The following POLM variants were observed in gnomAD, a reference collection of about 807,000 sequenced individuals.
POLM encodes the protein DNA-directed DNA/RNA polymerase mu.
A neutral mutation model predicts 56.7 loss-of-function variants in POLM; 52 were observed. That is an observed-to-expected ratio of 0.92 (90% CI 0.73 to 1.15). The LOEUF is 1.15. Ranked by LOEUF, POLM falls within the 50% of genes most tolerant of loss-of-function variation. The probability of loss-of-function intolerance (pLI) is 0.00; values close to 1 mark genes in which losing one functional copy is unlikely to be tolerated. For missense variants in POLM, 660 were observed against 663.6 expected, an observed-to-expected ratio of 0.99 and a Z score of 0.06; for synonymous variants, 273 against 274.3, an observed-to-expected ratio of 1.00 and a Z score of 0.05.
At position 44,080,815 on chromosome 7, in the gene POLM, G is replaced by A; in HGVS notation, c.290C>T (p.Pro97Leu). The A allele has an allele frequency of 1.2e-6, 2 of 1,612,090 alleles. No homozygotes were observed. The highest frequency in any genetic ancestry group is 1.7e-6 in the Non-Finnish European group (2 of 1,178,918). ...MAAAPPGCTP[P>L]ALLDISWLTE... ...TAACCAGCTTATGTCCAGCAGAGCT[G>A]GGGGGGTGCAACCCGGGGGAGCAGC... The change falls in exon 2 of 11, where the codon CCA (proline) becomes CTA (leucine). Residue 97 changes from proline to leucine, a missense_variant. Physicochemically the swap from Pro to Leu is moderately conservative, Grantham distance 98 (BLOSUM62 -3). Transcript: ENST00000242248.
chr7:44,076,399 C>A, intron 6 of POLM, 110 bp downstream of exon 6: 1 of 1,413,796 alleles, frequency 7.1e-7, no homozygotes. Flanking sequence ...CACAAAGCTG[C>A]CACCAAACCC....
chr7:44,080,947 G>A, intron 1 of POLM, 31 bp from the exon 2 acceptor site: 2 of 1,533,122 alleles, frequency 1.3e-6, no homozygotes, highest in Non-Finnish European at 1.8e-6. Flanking sequence ...AGAAGGAGGA[G>A]GGTGAGGCCC....
In POLM at chr7:44,080,745, C is replaced by T. The variant is rs776444475; in HGVS notation, c.360G>A (p.Arg120=). The change falls in exon 2 of 11, where the codon CGG becomes CGA. Residue 120 remains arginine, a synonymous_variant. Transcript: ENST00000242248. ...GAGQPVPVEC[R]HRLEVAGPRK... is the part of the protein sequence containing the mutation. Reference sequence around the variant, plus strand: ...CCACCCAGCTCACCTCCAGGCGGTGCCGGCACTCCACAGGTACAGGCTGCC... The same window carrying T: ...CCACCCAGCTCACCTCCAGGCGGTGTCGGCACTCCACAGGTACAGGCTGCC... 8 of 1,614,076 alleles carry T rather than the reference C, an allele frequency of 5.0e-6. No individual in the cohort carries two copies. In the South Asian group the frequency reaches 8.8e-5, roughly 18 times the overall value.
chr7:44,078,712 G>A (rs1393196289), intron 5 of POLM, 28 bp downstream of exon 5: 8 of 1,598,298 alleles, frequency 5.0e-6, no homozygotes, highest in Non-Finnish European at 6.9e-6. Flanking sequence ...GACATTCCTG[G>A]GGTAGGTCCG....
intron 2 of POLM, 35 bp from the exon 3 acceptor site, chr7:44,079,994 T>C: frequency 1.3e-6 from 2 of 1,485,222 alleles, no homozygotes; most frequent in Non-Finnish European, 1.9e-6. Context: ...ACTGTGAGGC[T>C]GCAGGGCTGG....
intron 4 of POLM, among the ~76,000 whole-genome samples, chr7:44,079,244 G>A (rs1043398415): frequency 2.6e-5 from 4 of 152,206 alleles, no homozygotes; most frequent in African/African-American, 4.8e-5. Flanking sequence ...CTGGGGCACT[G>A]AAAAGAGATG....
rs760477286 is a variant in POLM, at chr7:44,079,892, G to T, written c.440C>A (p.Thr147Lys). The change falls in exon 3 of 11, where the codon ACG becomes AAG. Residue 147 changes from threonine (T) to lysine (K), a missense_variant. Transcript: ENST00000242248. ...WMPAYACQRP[T>K]PLTHHNTGLS... is the part of the protein sequence containing the mutation. ...GCCAGTGTTGTGGTGTGTGAGGGGC[G>T]TAGGGCGCTGGCAGGCATAGGCAGG... The T allele has an allele frequency of 6.2e-7, 1 of 1,614,116 alleles. No individual in the cohort carries two copies. Among genetic ancestry groups the T allele is most frequent in the Non-Finnish European group, 8.5e-7 (1 of 1,179,978 alleles).
At position 44,080,817 on chromosome 7, in the gene POLM, G is replaced by C. The variant is rs1332890832; in HGVS notation, c.288C>G (p.Pro96=). The C allele has an allele frequency of 1.2e-6, 2 of 1,613,704 alleles. No individual in the cohort carries two copies. The highest frequency in any genetic ancestry group is 1.3e-5 in the African/African-American group (1 of 74,940). ...RMAAAPPGCT[P]PALLDISWLT... is the part of the protein sequence containing the mutation. ...ACCAGCTTATGTCCAGCAGAGCTGG[G>C]GGGGTGCAACCCGGGGGAGCAGCTG... The change falls in exon 2 of 11, where the codon CCC becomes CCG. Residue 96 remains proline, a synonymous_variant. Coordinates refer to ENST00000242248, the MANE Select transcript of POLM (RefSeq NM_013284.4).
rs770543171 is a variant in POLM, at chr7:44,074,491, C to T, written c.875G>A (p.Arg292Gln). The T allele has an allele frequency of 2.5e-5, 40 of 1,598,098 alleles. No homozygotes were observed. The highest frequency in any genetic ancestry group is 4.5e-5 in the East Asian group (2 of 44,256). The change falls in exon 7 of 11, where the codon CGG (arginine) becomes CAG (glutamine). Residue 292 changes from arginine (R) to glutamine (Q), a missense_variant. Transcript: ENST00000242248. Reference protein sequence around the residue: ...HHQDLSTPVLRSDVDALQQVV... With the variant: ...HHQDLSTPVLQSDVDALQQVV... Reference sequence around the variant, plus strand: ...CTGCTGCAGGGCATCTACATCGGACCGCAGGACTGGGGTGCTCAGGTCCTG... The same window carrying T: ...CTGCTGCAGGGCATCTACATCGGACTGCAGGACTGGGGTGCTCAGGTCCTG...
rs535433347 is a variant in POLM, at chr7:44,073,263, T to C, written c.*28A>G. ...CCAGGTTGGGGGCAGCCCAATTTCCTGAGTGGAAGTGGGGGACACAGGCAG... is the reference window on the plus strand; with the variant it reads ...CCAGGTTGGGGGCAGCCCAATTTCCCGAGTGGAAGTGGGGGACACAGGCAG... On this transcript the variant is annotated 3_prime_UTR_variant, in exon 11 of 11. Transcript: ENST00000242248. 6.2e-7 allele frequency: 1 copy of C among 1,614,148 alleles called. No homozygotes were observed. The highest frequency in any genetic ancestry group is 1.1e-5 in the South Asian group (1 of 91,078).
chr7:44,080,347 C>G (rs900848522), intron 2 of POLM: 1 of 543,934 alleles, frequency 1.8e-6, no homozygotes, highest in Admixed American at 2.2e-5. Flanking sequence ...GGCAGGCAAC[C>G]TGGCCCCAAG....
chr7:44,080,754 C>G lies in POLM; in HGVS notation c.351G>C (p.Val117=). 6.2e-7 allele frequency: 1 copy of G among 1,614,140 alleles called. No homozygotes were observed. Among genetic ancestry groups the G allele is most frequent in the South Asian group, 1.1e-5 (1 of 91,090 alleles). The stretch of plus-strand genomic sequence containing the variant: ...TCACCTCCAGGCGGTGCCGGCACTC[C>G]ACAGGTACAGGCTGCCCAGCTCCCA... ...ESLGAGQPVP[V]ECRHRLEVAG... is the part of the protein sequence containing the mutation. The change falls in exon 2 of 11, where the codon GTG becomes GTC. Residue 117 remains valine (V), a synonymous_variant. Transcript: ENST00000242248.
rs1016257499 is a variant in POLM at position 44,082,287 on chromosome 7, G to T, written c.152C>A (p.Ala51Glu). 51 of 1,542,876 alleles carry T rather than the reference G, an allele frequency of 3.3e-5. No homozygotes were observed. The highest frequency in any genetic ancestry group is 4.0e-5 in the Non-Finnish European group (46 of 1,152,372). The stretch of plus-strand genomic sequence containing the variant: ...AAGGACGCGGAAGCCTTTGGAGCGC[G>T]CCAGGCCTGTGAGGAAGGCCCGGCG... ...RSRRAFLTGL[A>E]RSKGFRVLDA... The change falls in exon 1 of 11, where the codon GCG becomes GAG. Residue 51 changes from alanine to glutamate, a missense_variant. Ala to Glu is a moderately radical substitution (Grantham distance 107). Coordinates refer to ENST00000242248, the MANE Select transcript of POLM (RefSeq NM_013284.4).
chr7:44,073,656 A>G lies in POLM; in HGVS notation c.1367T>C (p.Leu456Pro), dbSNP rs1562666451. 6.2e-7 allele frequency: 1 copy of G among 1,614,174 alleles called. No homozygotes were observed. The highest frequency in any genetic ancestry group is 8.5e-7 in the Non-Finnish European group (1 of 1,180,016). Reference protein sequence around the residue: ...RFSRKEKGLWLNSHGLFDPEQ... With the variant: ...RFSRKEKGLWPNSHGLFDPEQ... ...CGGGTCAAACAGCCCATGGCTGTTC[A>G]GCCACAGGCCCTTCTCCTTCCGGCT... Residue 456 changes from leucine to proline, a missense_variant, in exon 10 of 11, where the codon CTG becomes CCG. By Grantham distance (98) the Leu-to-Pro change is moderately conservative. Transcript: ENST00000242248.
chr7:44,074,654 G>T, intron 6 of POLM, 124 bp from the exon 7 acceptor site: 1 of 1,097,386 alleles, frequency 9.1e-7, no homozygotes, highest in South Asian at 1.7e-5. Context: ...AGGCCTCCGA[G>T]GAAGGTGAGG....
rs1292465320 is a variant in POLM, at chr7:44,080,773, G to C, written c.332C>G (p.Ala111Gly). 2.5e-6 allele frequency: 4 copies of C among 1,614,082 alleles called. No homozygotes were observed. The South Asian group carries it at 3.3e-5, about 13-fold the overall frequency. The change falls in exon 2 of 11, where the codon GCT (alanine) becomes GGT (glycine). Residue 111 changes from alanine to glycine, a missense_variant. Ala to Gly is a moderately conservative substitution (Grantham distance 60). Transcript: ENST00000242248. ...GCACTCCACAGGTACAGGCTGCCCA[G>C]CTCCCAGGCTCTCTGTTAACCAGCT... ...DISWLTESLG[A>G]GQPVPVECRH...
intron 7 of POLM, 73 bp from the exon 8 acceptor site, chr7:44,074,306 AC>A: frequency 6.5e-7 from 1 of 1,543,470 alleles, no homozygotes; most frequent in Admixed American, 2.0e-5. Flanking sequence ...ATCCCTTCCA[AC>A]GAGTGGGCCC....
chr7:44,078,632 T>C, intron 5 of POLM, 108 bp downstream of exon 5: 3 of 976,758 alleles, frequency 3.1e-6, no homozygotes, highest in Non-Finnish European at 4.9e-6. Context: ...CTCTGACCCC[T>C]GGGCTGGGTC....
Position 44,074,447 on chromosome 7 carries a change from C to T in POLM, c.919G>A (p.Gly307Arg), listed in dbSNP as rs531400236. ...ACGGTGGCCCCAGGCAGGGCCTGCCCCACAGCTTCCTCCACCACCTGCTGC... is the reference window on the plus strand; with the variant it reads ...ACGGTGGCCCCAGGCAGGGCCTGCCTCACAGCTTCCTCCACCACCTGCTGC... ...ALQQVVEEAVGQALPGATVTL... is the reference protein window; with the variant it reads ...ALQQVVEEAVRQALPGATVTL... Residue 307 changes from glycine to arginine, a missense_variant, in exon 7 of 11, where the codon GGG becomes AGG. Transcript: ENST00000242248. 2 of 1,576,726 alleles carry T rather than the reference C, an allele frequency of 1.3e-6. No individual in the cohort carries two copies. The highest frequency in any genetic ancestry group is 2.3e-5 in the East Asian group (1 of 42,976).
Sources: gnomAD v4.1 joint callset for allele counts (sites outside exome capture counted in the v4.1 genomes callset) on GRCh38, gnomAD v4.1.1 for gene constraint, MANE v1.5 for transcripts, NCBI Gene and HGNC (gene_info 2026-07-23, HGNC 2026-07-21) for gene names.